The following GTF2H2C variants were observed in gnomAD, a reference collection of about 807,000 sequenced individuals.
The protein encoded by GTF2H2C is general transcription factor IIH subunit 2-like protein.
Under a neutral mutation model 24.8 loss-of-function variants are expected in GTF2H2C, and 5 were observed. The ratio of observed to expected loss-of-function variants is 0.20; its 90% CI spans 0.11 to 0.42. GTF2H2C has a LOEUF of 0.42. GTF2H2C is among the 20% of genes least tolerant of loss of function. The probability of loss-of-function intolerance (pLI) is 1.00; values close to 1 mark genes in which losing one functional copy is unlikely to be tolerated. For synonymous variants in GTF2H2C, 14 were observed against 52.6 expected, an observed-to-expected ratio of 0.27 and a Z score of 3.18; for missense variants, 45 against 169.8, an observed-to-expected ratio of 0.27 and a Z score of 4.08.
intron 2 of GTF2H2C, among the ~76,000 whole-genome samples, chr5:69,564,809 TAC>T (rs529251380): frequency 2.0e-5 from 3 of 151,774 alleles, no homozygotes; most frequent in African/African-American, 7.2e-5. Flanking sequence ...CTCACAAGTC[TAC>T]AGTTTGTCAT....
At chr5:69,590,179 C>T (rs1450089242) in intron 15 of GTF2H2C, 149 bp from the exon 16 acceptor site, 1 of 179,088 alleles carries the variant, frequency 5.6e-6, no homozygotes, top group East Asian at 1.6e-4. Context: ...GCCACTGTGC[C>T]TGGCCTATTG....
At chr5:69,562,197 T>G (rs1275211027) in intron 1 of GTF2H2C, among the ~76,000 whole-genome samples, 1 of 152,178 alleles carries the variant, frequency 6.6e-6, no homozygotes, top group Non-Finnish European at 1.5e-5. Flanking sequence ...TGGGCTCTTG[T>G]AATCCCAGCT....
intron 9 of GTF2H2C, among the ~76,000 whole-genome samples, chr5:69,573,145 T>TATAC (rs1554057990): frequency 3.3e-4 from 39 of 117,426 alleles, no homozygotes; most frequent in South Asian, 3.1e-4. Flanking sequence ...CTATTATATA[T>TATAC]ACACACACAC....
At chr5:69,563,615 G>C (rs1770543374) in intron 2 of GTF2H2C, among the ~76,000 whole-genome samples, 2 of 151,990 alleles carry the variant, frequency 1.3e-5, no homozygotes, top group Admixed American at 1.3e-4. Context: ...TTGAGGTTTG[G>C]TATACAAATG....
chr5:69,566,100 G>A, intron 3 of GTF2H2C, 31 bp from the exon 4 acceptor site: 1 of 1,536,230 alleles, frequency 6.5e-7, no homozygotes, highest in Non-Finnish European at 8.9e-7. Flanking sequence ...ATTTTAGCTT[G>A]TCTTTTCAAA....
In GTF2H2C at chr5:69,594,024, C is replaced by T. The variant is rs1215679180; in HGVS notation, c.*1826C>T. ...ATTTTATGTATATAAACTTCAGGTA[C>T]TCTAACTTGAGTTTCACTATGAAAT... is the stretch of plus-strand genomic sequence containing the variant. On this transcript the variant is annotated 3_prime_UTR_variant, in exon 17 of 17. Coordinates refer to ENST00000380729, the MANE Select transcript of GTF2H2C (RefSeq NM_001376000.2). 4.3e-5 allele frequency among the ~76,000 whole-genome samples: 4 copies of T among 93,288 alleles called. No individual in the cohort carries two copies. Among genetic ancestry groups the T allele is most frequent in the African/African-American group, 1.6e-4 (4 of 25,706 alleles). The allele number at this position is 93,288 out of a possible 152,430, so 61.2% of individuals were successfully genotyped here.
intron 1 of GTF2H2C, among the ~76,000 whole-genome samples, chr5:69,561,009 G>C (rs2112152731): frequency 1.3e-5 from 2 of 152,146 alleles, no homozygotes; most frequent in East Asian, 3.9e-4. Flanking sequence ...TCCCGCCTCG[G>C]CCTCCCACAG....
rs1205948855 is a variant in GTF2H2C, at chr5:69,591,633, A to AT, written c.1069-439dup. Among the ~76,000 whole-genome samples, 150 of 146,830 alleles carry AT rather than the reference A, an allele frequency of 1.0e-3. No homozygotes were observed. In the Middle Eastern group the frequency reaches 0.01, roughly 10 times the overall value. ...TTGTCTTATCTGTGTCATTTGACAT[A>AT]TTTTTTTAAAGGTTTACTTGAAAGG... On this transcript the variant is annotated intron_variant, in intron 16 of 16. Transcript: ENST00000380729.
At chr5:69,563,562 A>T (rs879011093) in intron 2 of GTF2H2C, among the ~76,000 whole-genome samples, 1 of 151,990 alleles carries the variant, frequency 6.6e-6, no homozygotes, top group African/African-American at 2.4e-5. Context: ...TTATTTTCAC[A>T]GAGTACGTGT....
chr5:69,579,567 AATT>A (rs1356064905), intron 11 of GTF2H2C, among the ~76,000 whole-genome samples, 187 bp from the exon 12 acceptor site: 1 of 79,648 alleles, frequency 1.3e-5, no homozygotes, highest in Non-Finnish European at 2.4e-5. Context: ...AATCAATTGT[AATT>A]ATAGTTATTC....
chr5:69,563,536 G>A (rs1422033724), intron 2 of GTF2H2C, among the ~76,000 whole-genome samples: 2 of 151,952 alleles, frequency 1.3e-5, no homozygotes, highest in Non-Finnish European at 2.9e-5. Flanking sequence ...TGTTTGTTTT[G>A]TTTTGTTTTC....
intron 4 of GTF2H2C, 160 bp downstream of exon 4, chr5:69,566,368 C>G: frequency 2.0e-6 from 2 of 991,096 alleles, no homozygotes; most frequent in South Asian, 3.4e-5. Flanking sequence ...ACCCTTGCCC[C>G]AGCAGGAAAT....
intron 1 of GTF2H2C, among the ~76,000 whole-genome samples, chr5:69,561,684 C>G (rs1438624222): frequency 2.0e-5 from 3 of 151,414 alleles, no homozygotes; most frequent in Non-Finnish European, 4.4e-5. Context: ...TAGGGTCTCA[C>G]TCTGTCACCC....
intron 8 of GTF2H2C, among the ~76,000 whole-genome samples, chr5:69,571,401 TC>T: frequency 1.5e-5 from 1 of 65,978 alleles, no homozygotes; most frequent in East Asian, 5.9e-4. Context: ...TGGCAGCTTC[TC>T]CCCCCTTCAT....
At chr5:69,580,239 A>C (rs2112238713) in intron 12 of GTF2H2C, among the ~76,000 whole-genome samples, 1 of 137,332 alleles carries the variant, frequency 7.3e-6, no homozygotes, top group East Asian at 2.2e-4. Flanking sequence ...CTAAAAATAC[A>C]AAAAATTAGC....
In GTF2H2C at chr5:69,564,769, A is replaced by T. The variant is rs559887705; in HGVS notation, c.-33-331A>T. Among the ~76,000 whole-genome samples, 600 of 150,488 alleles carry T rather than the reference A, an allele frequency of 4.0e-3. 8 individuals are homozygous for T. The highest frequency in any genetic ancestry group is 0.014 in the African/African-American group (573 of 40,942). On this transcript the variant is annotated intron_variant, in intron 2 of 16. Coordinates refer to ENST00000380729, the MANE Select transcript of GTF2H2C (RefSeq NM_001376000.2). ...ACAATGAATCACATGTCACTCAGCT[A>T]TAATAGTTCAACTACGCCCATACTG... is the stretch of plus-strand genomic sequence containing the variant.
chr5:69,574,263 CTT>C (rs1175492945), intron 9 of GTF2H2C, among the ~76,000 whole-genome samples: 1 of 77,650 alleles, frequency 1.3e-5, no homozygotes, highest in Non-Finnish European at 2.6e-5. Flanking sequence ...TTTCAGATAA[CTT>C]TTTTTTTTAC....
Position 69,568,153 on chromosome 5 carries a change from A to G in GTF2H2C, c.310A>G (p.Ile104Val), listed in dbSNP as rs1770859126. Residue 104 changes from isoleucine to valine, a missense_variant and splice_region_variant, in exon 8 of 17, where the codon ATT becomes GTT. Transcript: ENST00000380729. ...EYFDQNPISQIGIIVTKSKRA... is the reference protein window; with the variant it reads ...EYFDQNPISQVGIIVTKSKRA... ...TAATAATTTTTGTTTTTATTTCAAGATTGGAATAATTGTAACTAAGAGTAA... is the reference window on the plus strand; with the variant it reads ...TAATAATTTTTGTTTTTATTTCAAGGTTGGAATAATTGTAACTAAGAGTAA... The G allele has an allele frequency of 4.6e-6, 2 of 435,734 alleles. No homozygotes were observed. Among genetic ancestry groups the G allele is most frequent in the Non-Finnish European group, 7.8e-6 (2 of 255,466 alleles). The allele number at this position is 435,734 out of a possible 1,614,324, so 27.0% of individuals were successfully genotyped here.
intron 2 of GTF2H2C, among the ~76,000 whole-genome samples, chr5:69,563,751 C>T (rs1355178572): frequency 1.3e-5 from 2 of 152,004 alleles, no homozygotes; most frequent in African/African-American, 4.8e-5. Context: ...CACGTGTACT[C>T]AGTGTTTAGT....
Sources: allele counts gnomAD v4.1 joint callset (sites outside exome capture counted in the v4.1 genomes callset), GRCh38; gene constraint gnomAD v4.1.1; transcripts MANE v1.5; gene names NCBI Gene and HGNC (gene_info 2026-07-23, HGNC 2026-07-21).